Variants in TTN observed in about 807,000 individuals in gnomAD.
The protein encoded by TTN is titin, also known as connectin.
TTN carries 1,525 observed loss-of-function variants against 3,223.0 expected under a neutral mutation model. The ratio of observed to expected loss-of-function variants is 0.47; its 90% CI spans 0.45 to 0.49. The LOEUF is 0.49. TTN is among the 20% of genes least tolerant of loss of function. The pLI, the probability that TTN is intolerant of heterozygous loss-of-function variation, is 0.00. For missense variants in TTN, 40,786 were observed against 43,424.0 expected, an observed-to-expected ratio of 0.94 and a Z score of 5.40; for synonymous variants, 14,094 against 15,161.0, an observed-to-expected ratio of 0.93 and a Z score of 5.17.
At chr2:178,701,290 T>A in intron 110 of TTN, 87 bp from the exon 111 acceptor site, 1 of 1,260,486 alleles carries the variant, frequency 7.9e-7, no homozygotes, top group Non-Finnish European at 1.1e-6. Flanking sequence ...TTTCTTTCAG[T>A]ACTTCATAGG....
intron 241 of TTN, 34 bp from the exon 242 acceptor site, chr2:178,624,765 C>T: frequency 1.9e-6 from 3 of 1,604,016 alleles, no homozygotes; most frequent in Non-Finnish European, 2.5e-6. Context: ...CAAGGTACTC[C>T]TTTCCTTCTC....
intron 147 of TTN, among the ~76,000 whole-genome samples, chr2:178,676,752 G>A (rs1016146365): frequency 2.0e-5 from 3 of 151,698 alleles, no homozygotes; most frequent in Non-Finnish European, 2.9e-5. Context: ...TGTATTAGAA[G>A]ACATAACTAT....
intron 47 of TTN, chr2:178,746,525 A>G: frequency 1.2e-6 from 2 of 1,613,210 alleles, no homozygotes; most frequent in Non-Finnish European, 1.7e-6. Flanking sequence ...ATCAAACTCC[A>G]TGACATGCTG....
chr2:178,547,005 A>G lies in TTN; in HGVS notation c.94520T>C (p.Val31507Ala), dbSNP rs371097838. ...TGCCCTTAAATTGTGATACATACCAACTGGATTTTGAGCCATTATAGGTCT... is the reference window on the plus strand; with the variant it reads ...TGCCCTTAAATTGTGATACATACCAGCTGGATTTTGAGCCATTATAGGTCT... ...ASRPIMAQNP[V>A]DAPGRPEVTD... Residue 31507 changes from valine to alanine, a missense_variant and splice_region_variant, in exon 340 of 363, where the codon GTT (valine) becomes GCT (alanine). Val to Ala is a moderately conservative substitution (Grantham distance 64, BLOSUM62 0). Transcript: ENST00000589042. The G allele has an allele frequency of 4.4e-6, 7 of 1,607,702 alleles. No homozygotes were observed. The African/African-American group carries it at 6.7e-5, about 15-fold the overall frequency.
Position 178,722,090 on chromosome 2 carries a change from CTA to C in TTN, c.22571_22572del (p.Ile7524ArgfsTer9), listed in dbSNP as rs1553909995. 4 of 1,605,726 alleles carry C rather than the reference CTA, an allele frequency of 2.5e-6. No individual in the cohort carries two copies. The highest frequency in any genetic ancestry group is 3.4e-6 in the Non-Finnish European group (4 of 1,175,394). On this transcript the variant is annotated frameshift_variant, in exon 78 of 363. Transcript: ENST00000589042. LOFTEE classifies it high-confidence loss of function. Reference sequence around the variant, plus strand: ...TCAGCACTTTCTCCAGCAATAACATCTATAGATACAGGCTTGATGTCAAAGAA... The same window carrying C: ...TCAGCACTTTCTCCAGCAATAACATCTAGATACAGGCTTGATGTCAAAGAA... ...SPFFDIKPVS[I>X]DVIAGESADF...
chr2:178,750,113 G>C (rs971008039), intron 47 of TTN: 12 of 1,613,038 alleles, frequency 7.4e-6, no homozygotes, highest in African/African-American at 1.3e-5. Flanking sequence ...AAGCAATTCT[G>C]TGTCTCCAGA....
At chr2:178,706,373 A>G in intron 102 of TTN, 81 bp downstream of exon 102, 4 of 1,438,154 alleles carry the variant, frequency 2.8e-6, no homozygotes, top group Non-Finnish European at 2.8e-6. Flanking sequence ...AATACTTTCC[A>G]CTGGGGCTGG....
At chr2:178,645,683 G>A (rs1047523323) in intron 217 of TTN, 1 of 319,918 alleles carries the variant, frequency 3.1e-6, no homozygotes, top group Non-Finnish European at 5.7e-6. Flanking sequence ...CCTGCATTCA[G>A]ATATCCCGGA....
At position 178,735,513 on chromosome 2, in the gene TTN, C is replaced by A; in HGVS notation, c.14933G>T (p.Arg4978Ile). The A allele has an allele frequency of 6.4e-7, 1 of 1,569,124 alleles. No individual in the cohort carries two copies. The highest frequency in any genetic ancestry group is 8.6e-7 in the Non-Finnish European group (1 of 1,162,270). ...SSSCSATVTV[R>I]EPPSFVKKVD... ...AAATACATTCACACGTTTCTTACCT[C>A]TGACAGTGACTGTGGCTGAGCAGGA... Residue 4978 changes from arginine (R) to isoleucine (I), a missense_variant and splice_region_variant, in exon 50 of 363, where the codon AGA becomes ATA. By Grantham distance (97) the Arg-to-Ile change is moderately conservative. Transcript: ENST00000589042.
At chr2:178,731,622 T>G in intron 58 of TTN, 39 bp from the exon 59 acceptor site, 1 of 1,571,282 alleles carries the variant, frequency 6.4e-7, no homozygotes, top group Non-Finnish European at 8.6e-7. Flanking sequence ...ATTATCCCTA[T>G]AGCAAAAGTG....
In TTN at chr2:178,534,415, G is replaced by T; in HGVS notation, c.102200C>A (p.Ala34067Asp). 4 of 1,611,570 alleles carry T rather than the reference G, an allele frequency of 2.5e-6. No homozygotes were observed. Among genetic ancestry groups the T allele is most frequent in the Non-Finnish European group, 2.5e-6 (3 of 1,179,814 alleles). ...CTGCTTCAACCATGGGTGCTGGAGA[G>T]CCTCCGATGCTGTCATGCGAGATTT... ...ERKSRMTASEALQHPWLKQKI... is the reference protein window; with the variant it reads ...ERKSRMTASEDLQHPWLKQKI... Residue 34067 changes from alanine to aspartate, a missense_variant, in exon 358 of 363, where the codon GCT becomes GAT. Physicochemically the swap from Ala to Asp is moderately radical, Grantham distance 126. Coordinates refer to ENST00000589042, the MANE Select transcript of TTN (RefSeq NM_001267550.2).
chr2:178,679,149 A>G (rs1460023646), intron 142 of TTN, among the ~76,000 whole-genome samples, 190 bp downstream of exon 142: 2 of 152,046 alleles, frequency 1.3e-5, no homozygotes, highest in African/African-American at 4.8e-5. Flanking sequence ...ACCATTGAGC[A>G]TAAGCATAAT....
At position 178,646,104 on chromosome 2, in the gene TTN, T is replaced by TTATATATATATATATATA. The variant is rs71023450; in HGVS notation, c.40298-92_40298-75dup. ...GGATATGTAGTATATTTAATAGAAATTATATATATATATATATATATATAT... is the reference window on the plus strand; with the variant it reads ...GGATATGTAGTATATTTAATAGAAATTATATATATATATATATATATATATATATATATATATATATAT... On this transcript the variant is annotated intron_variant, in intron 216 of 362. Coordinates refer to ENST00000589042, the MANE Select transcript of TTN (RefSeq NM_001267550.2). The TTATATATATATATATATA allele has an allele frequency of 6.6e-4, 25 of 37,982 alleles. 3 individuals are homozygous for TTATATATATATATATATA. Among genetic ancestry groups the TTATATATATATATATATA allele is most frequent in the Admixed American group, 1.4e-3 (3 of 2,188 alleles). 2.4% of individuals were successfully genotyped at this position (37,982 alleles called of 1,614,324 possible).
At position 178,576,165 on chromosome 2, in the gene TTN, C is replaced by T. The variant is rs1710012018; in HGVS notation, c.69967G>A (p.Gly23323Ser). Residue 23323 changes from glycine to serine, a missense_variant, in exon 326 of 363, where the codon GGT (glycine) becomes AGT (serine). Physicochemically the swap from Gly to Ser is moderately conservative, Grantham distance 56. Coordinates refer to ENST00000589042, the MANE Select transcript of TTN (RefSeq NM_001267550.2). This position sits in a 1 kb window ranked among gnomAD's most constrained non-coding sequence, Gnocchi z 4.3. ...NFRISAINDA[G>S]VGEPAVIPDV... ...GGAATCACCGCTGGCTCCCCAACACCTGCATCGTTGATGGCACTGATTCTG... is the reference window on the plus strand; with the variant it reads ...GGAATCACCGCTGGCTCCCCAACACTTGCATCGTTGATGGCACTGATTCTG... 6.2e-7 allele frequency: 1 copy of T among 1,613,128 alleles called. No homozygotes were observed. The highest frequency in any genetic ancestry group is 8.5e-7 in the Non-Finnish European group (1 of 1,179,444).
At chr2:178,727,057 A>G in intron 69 of TTN, 33 bp downstream of exon 69, 1 of 1,415,690 alleles carries the variant, frequency 7.1e-7, no homozygotes, top group Non-Finnish European at 9.3e-7. Flanking sequence ...GGTGGTTTTC[A>G]TTTAATGAGA....
chr2:178,577,195 A>G lies in TTN; in HGVS notation c.69140T>C (p.Val23047Ala), dbSNP rs368697152. ...TTCAGCAGAAACATTACTGATTTCA[A>G]CAGGACCTGGGGGACCAGGTACATC... ...VLDVPGPPGPVEISNVSAEKA... is the reference protein window; with the variant it reads ...VLDVPGPPGPAEISNVSAEKA... Residue 23047 changes from valine to alanine, a missense_variant, in exon 324 of 363, where the codon GTT (valine) becomes GCT (alanine). Transcript: ENST00000589042. 74 of 1,612,874 alleles carry G rather than the reference A, an allele frequency of 4.6e-5. No homozygotes were observed. In the African/African-American group the frequency reaches 6.8e-4, roughly 15 times the overall value.
At chr2:178,797,393 C>A (rs1453346998) in intron 6 of TTN, among the ~76,000 whole-genome samples, 2 of 151,764 alleles carry the variant, frequency 1.3e-5, no homozygotes, top group Non-Finnish European at 2.9e-5. Context: ...GTTTATTGGA[C>A]TTTTACATTG....
Position 178,600,924 on chromosome 2 carries a change from T to G in TTN, c.55980A>C (p.Lys18660Asn), listed in dbSNP as rs776347511. 1 of 1,613,000 alleles carries G rather than the reference T, an allele frequency of 6.2e-7. No individual in the cohort carries two copies. The highest frequency in any genetic ancestry group is 8.5e-7 in the Non-Finnish European group (1 of 1,179,298). ...TGCTGACTCCTGCAGCATTGACAGC[T>G]TTGACTCGGAATTCATATTCCCCAC... The part of the protein sequence containing the change: ...VEGGEYEFRV[K>N]AVNAAGVSKP... The change falls in exon 288 of 363, where the codon AAA (lysine) becomes AAC (asparagine). Residue 18660 changes from lysine (K) to asparagine (N), a missense_variant. By Grantham distance (94) the Lys-to-Asn change is moderately conservative (BLOSUM62 0). Transcript: ENST00000589042.
chr2:178,681,079 C>A lies in TTN; in HGVS notation c.33340G>T (p.Val11114Leu), dbSNP rs1328375389. 6 of 1,598,818 alleles carry A rather than the reference C, an allele frequency of 3.8e-6. No individual in the cohort carries two copies. Among genetic ancestry groups the A allele is most frequent in the Non-Finnish European group, 5.1e-6 (6 of 1,174,900 alleles). The stretch of plus-strand genomic sequence containing the variant: ...CAATCGAGGAAGGAAATCATTATAC[C>A]TTTAGCAGCGGGTTCAGTCACCTGC... ...KEQVTEPAAK[V>L]PMKPKRVVAE... Residue 11114 changes from valine (V) to leucine (L), a missense_variant and splice_region_variant, in exon 138 of 363, where the codon GTG (valine) becomes TTG (leucine). By Grantham distance (32) the Val-to-Leu change is conservative. Coordinates refer to ENST00000589042, the MANE Select transcript of TTN (RefSeq NM_001267550.2).
Sources: allele counts gnomAD v4.1 joint callset (sites outside exome capture counted in the v4.1 genomes callset), GRCh38; gene constraint gnomAD v4.1.1; non-coding constraint Gnocchi (gnomAD v3.1); transcripts MANE v1.5; gene names NCBI Gene and HGNC (gene_info 2026-07-23, HGNC 2026-07-21).